The following IAH1 variants were observed in gnomAD, a reference collection of about 807,000 sequenced individuals.
IAH1 encodes the protein isoamyl acetate-hydrolyzing esterase 1 homolog.
In IAH1, 24 loss-of-function variants were observed where a neutral mutation model predicts 26.7. The observed-to-expected ratio is 0.90, with a 90% confidence interval of 0.65 to 1.26. The LOEUF is 1.26. IAH1 is among the 50% of genes most tolerant of loss of function. The pLI is 0.00. For missense variants in IAH1, 300 were observed against 299.9 expected (o/e 1.00, Z 0.00); for synonymous variants, 140 against 118.5 (o/e 1.18, Z -1.18).
At chr2:9,499,770 C>T (rs1216348039), downstream of IAH1, among the ~76,000 whole-genome samples, 3 of 152,140 alleles carry the variant, frequency 2.0e-5, no homozygotes, top group African/African-American at 4.8e-5. Flanking sequence ...ACATGGGCAA[C>T]ATGTCATACT....
chr2:9,477,900 T>C (rs1457450369), intron 2 of IAH1, among the ~76,000 whole-genome samples: 2 of 152,206 alleles, frequency 1.3e-5, no homozygotes, highest in African/African-American at 4.8e-5. Context: ...GCTCAGATTA[T>C]CTATCTGTTG....
intron 5 of IAH1, chr2:9,486,915 G>A (rs1241686096): frequency 6.6e-6 from 1 of 151,722 alleles, no homozygotes; most frequent in Non-Finnish European, 1.5e-5. Context: ...CCCCAAGAAA[G>A]AAATGGCTGT....
intron 2 of IAH1, among the ~76,000 whole-genome samples, 161 bp downstream of exon 2, chr2:9,476,200 TTCAC>T (rs1172418962): frequency 6.6e-6 from 1 of 152,242 alleles, no homozygotes; most frequent in Non-Finnish European, 1.5e-5. Flanking sequence ...ACATTTACTC[TTCAC>T]TCAGTCTGAC....
intron 3 of IAH1, among the ~76,000 whole-genome samples, chr2:9,479,898 TC>T (rs1001868124): frequency 5.9e-4 from 79 of 133,636 alleles, no homozygotes; most frequent in African/African-American, 2.1e-3. Context: ...AACCTCCACC[TC>T]CCAGGTTCAA....
At chr2:9,511,190 T>C in the IAH1 span, among the ~76,000 whole-genome samples, 1 of 152,132 alleles carries the variant, frequency 6.6e-6, no homozygotes, top group African/African-American at 2.4e-5. Context: ...GGCTCACACC[T>C]GTAATCCCAG....
chr2:9,500,092 G>GATAA (rs1040233716), downstream of IAH1, among the ~76,000 whole-genome samples: 2 of 37,292 alleles, frequency 5.4e-5, no homozygotes, highest in Non-Finnish European at 1.8e-4. Context: ...AAAACTCATA[G>GATAA]ATAAATGTTC....
the IAH1 span, among the ~76,000 whole-genome samples, chr2:9,504,580 C>T: frequency 5.3e-5 from 8 of 151,880 alleles, no homozygotes; most frequent in Admixed American, 3.3e-4. Context: ...TCCTGGCCAC[C>T]GTAGTGAAAC....
chr2:9,478,871 C>T (rs995937295), intron 3 of IAH1, among the ~76,000 whole-genome samples: 1 of 152,184 alleles, frequency 6.6e-6, no homozygotes, highest in Non-Finnish European at 1.5e-5. Flanking sequence ...GAAAGCTAGC[C>T]ATGTAAGAGG....
the IAH1 span, among the ~76,000 whole-genome samples, chr2:9,503,837 CAA>C: frequency 1.1e-4 from 14 of 124,758 alleles, no homozygotes; most frequent in Non-Finnish European, 6.6e-5. Flanking sequence ...GACTCCGTCT[CAA>C]AAAAAAAAAA....
At chr2:9,475,487 GCTT>G (rs1197552336) in intron 1 of IAH1, among the ~76,000 whole-genome samples, 11 of 150,628 alleles carry the variant, frequency 7.3e-5, no homozygotes, top group Admixed American at 7.2e-4. Context: ...TTTCTGTTTA[GCTT>G]TTTTTTTTTT....
At chr2:9,492,562 C>T (rs1446394788), downstream of IAH1, among the ~76,000 whole-genome samples, 6 of 152,280 alleles carry the variant, frequency 3.9e-5, no homozygotes, top group South Asian at 6.2e-4. Context: ...TGCTCTATTG[C>T]AACGAAGTCA....
chr2:9,504,718 C>T, the IAH1 span, among the ~76,000 whole-genome samples: 3 of 149,036 alleles, frequency 2.0e-5, no homozygotes, highest in African/African-American at 7.4e-5. Flanking sequence ...GCCAAGATCG[C>T]GCCACTGCAC....
Position 9,475,139 on chromosome 2 carries a change from A to G in IAH1, c.81+492A>G, listed in dbSNP as rs1352778780. 2.3e-6 allele frequency: 3 copies of G among 1,280,114 alleles called. No individual in the cohort carries two copies. In the African/African-American group the frequency reaches 4.6e-5, roughly 19 times the overall value. 79.3% of individuals were successfully genotyped at this position (1,280,114 alleles called of 1,614,324 possible). On this transcript the variant is annotated intron_variant, in intron 1 of 5. Transcript: ENST00000497473. ...TTGACCTTGGAAGTAAAACGCCTTC[A>G]GGAATTAGGTAGAAAAGGACCATCC...
chr2:9,475,563 C>T (rs56364807), intron 1 of IAH1: 8,870 of 222,392 alleles, frequency 0.04, 872 homozygotes, highest in African/African-American at 0.19. Flanking sequence ...TGCAGTAGCG[C>T]GATCTCGGCT....
chr2:9,509,710 C>A, the IAH1 span, among the ~76,000 whole-genome samples: 1 of 151,804 alleles, frequency 6.6e-6, no homozygotes, highest in African/African-American at 2.4e-5. Context: ...TCCAGAACTC[C>A]AAAAAAAGCC....
At chr2:9,506,673 C>CAGATTGTCTAAGGGGTCTG in the IAH1 span, 2 of 152,332 alleles carry the variant, frequency 1.3e-5, no homozygotes, top group Non-Finnish European at 2.9e-5. Context: ...CCAAATCTGT[C>CAGATTGTCTAAGGGGTCTG]GTTACAGTAC....
chr2:9,480,242 G>A (rs1661087915), intron 3 of IAH1, among the ~76,000 whole-genome samples: 1 of 152,112 alleles, frequency 6.6e-6, no homozygotes, highest in South Asian at 2.1e-4. Context: ...TATGTTATGT[G>A]AGCCAGGCGT....
downstream of IAH1, chr2:9,491,267 A>C (rs1294934525): frequency 1.1e-6 from 1 of 880,376 alleles, no homozygotes; most frequent in East Asian, 2.6e-5. Flanking sequence ...GAGTTGTAGA[A>C]AGTGATAGCA....
intron 1 of IAH1, chr2:9,475,014 C>A (rs528548118): frequency 2.7e-6 from 3 of 1,104,064 alleles, no homozygotes; most frequent in South Asian, 2.2e-5. Flanking sequence ...CGCGGGCGAC[C>A]GCGCGCTGTG....
Sources: gnomAD v4.1 joint callset for allele counts (sites outside exome capture counted in the v4.1 genomes callset) on GRCh38, gnomAD v4.1.1 for gene constraint, MANE v1.5 for transcripts, NCBI Gene and HGNC (gene_info 2026-07-23, HGNC 2026-07-21) for gene names.